The following STK17A variants were observed in gnomAD, a reference collection of about 807,000 sequenced individuals.
STK17A encodes serine/threonine kinase 17a.
A neutral mutation model predicts 43.7 loss-of-function variants in STK17A; 26 were observed. The observed-to-expected ratio is 0.60, with a 90% CI of 0.44 to 0.83. STK17A has a LOEUF of 0.83. STK17A is among the 40% of genes least tolerant of loss of function. The probability of loss-of-function intolerance (pLI) is 0.00; values close to 1 mark genes in which losing one functional copy is unlikely to be tolerated. For synonymous variants in STK17A, 191 were observed against 182.5 expected, an observed-to-expected ratio of 1.05 and a Z score of -0.38; for missense variants, 476 against 511.6, an observed-to-expected ratio of 0.93 and a Z score of 0.67.
Position 43,623,712 on chromosome 7 carries a change from C to T in STK17A, c.744C>T (p.Ser248=). Residue 248 remains serine, a synonymous_variant, in exon 6 of 7, where the codon AGC becomes AGT. Transcript: ENST00000319357. ...DPISMATDMW[S]IGVLTYVMLT... ...TTGCATTTTCTTTCTAATTTAGGAGCATTGGAGTGTTAACATATGTCATGC... is the reference window on the plus strand; with the variant it reads ...TTGCATTTTCTTTCTAATTTAGGAGTATTGGAGTGTTAACATATGTCATGC... 6.2e-7 allele frequency: 1 copy of T among 1,605,256 alleles called. No individual in the cohort carries two copies. Among genetic ancestry groups the T allele is most frequent in the East Asian group, 2.2e-5 (1 of 44,570 alleles).
chr7:43,599,789 A>C (rs2082543775), intron 2 of STK17A, among the ~76,000 whole-genome samples: 1 of 152,256 alleles, frequency 6.6e-6, no homozygotes, highest in Non-Finnish European at 1.5e-5. Context: ...CAAAGGCCTC[A>C]GAACCAGGGA....
At chr7:43,613,441 T>G (rs2083060559) in intron 3 of STK17A, among the ~76,000 whole-genome samples, 1 of 152,202 alleles carries the variant, frequency 6.6e-6, no homozygotes. Context: ...ATCACAGATT[T>G]TGGTATCTGC....
At chr7:43,591,177 A>G (rs10276856) in intron 1 of STK17A, among the ~76,000 whole-genome samples, 22,951 of 151,412 alleles carry the variant, frequency 0.15, 3,064 homozygotes, top group Non-Finnish European at 0.23. Context: ...AGTTTTATTC[A>G]GCATAGGATA....
intron 2 of STK17A, among the ~76,000 whole-genome samples, chr7:43,607,542 G>A (rs571416344): frequency 3.3e-5 from 5 of 151,368 alleles, no homozygotes; most frequent in South Asian, 4.2e-4. Context: ...CCAGCTACTC[G>A]GGAGGCTGAG....
At chr7:43,613,351 T>C (rs372055236) in intron 3 of STK17A, among the ~76,000 whole-genome samples, 2 of 152,134 alleles carry the variant, frequency 1.3e-5, no homozygotes, top group Admixed American at 6.5e-5. Flanking sequence ...CTGAGTAACC[T>C]AGAGATGATT....
Position 43,626,266 on chromosome 7 carries a change from C to T in STK17A, c.*1424C>T, listed in dbSNP as rs2084526584. 6.6e-6 allele frequency: 1 copy of T among 152,204 alleles called. No individual in the cohort carries two copies. The highest frequency in any genetic ancestry group is 2.1e-4 in the South Asian group (1 of 4,828). 9.4% of individuals were successfully genotyped at this position (152,204 alleles called of 1,614,324 possible). A position where few individuals can be genotyped will look rare whatever the true frequency, so the allele number is the denominator to read the frequency against. ...ACTGTCAAAATCATGAAAATGACAG[C>T]ACCTAACCACTATTTTAAAGTATGT... On this transcript the variant is annotated 3_prime_UTR_variant, in exon 7 of 7. Transcript: ENST00000319357.
chr7:43,613,625 A>G (rs2083076362), intron 3 of STK17A, among the ~76,000 whole-genome samples: 1 of 152,110 alleles, frequency 6.6e-6, no homozygotes, highest in South Asian at 2.1e-4. Context: ...GAAGGACCAC[A>G]TGAGCCCAGG....
chr7:43,596,791 C>T (rs533163002), intron 2 of STK17A, among the ~76,000 whole-genome samples: 1 of 148,196 alleles, frequency 6.7e-6, no homozygotes, highest in South Asian at 2.1e-4. Context: ...TTGCTGGAAC[C>T]AAGGAGGTGG....
At chr7:43,609,845 A>G (rs1296547976) in intron 3 of STK17A, among the ~76,000 whole-genome samples, 1 of 152,220 alleles carries the variant, frequency 6.6e-6, no homozygotes, top group Non-Finnish European at 1.5e-5. Flanking sequence ...CACCACGATC[A>G]TCTACTGATC....
chr7:43,610,290 T>A (rs10242308), intron 3 of STK17A, among the ~76,000 whole-genome samples: 2,823 of 134,598 alleles, frequency 0.021, 95 homozygotes, highest in African/African-American at 0.076. Flanking sequence ...GAGCTTGCAG[T>A]GAGCCGAGAT....
chr7:43,595,312 C>CT (rs1317039766), intron 1 of STK17A, among the ~76,000 whole-genome samples: 1 of 133,708 alleles, frequency 7.5e-6, no homozygotes, highest in African/African-American at 2.8e-5. Context: ...GAGTCTCACT[C>CT]TGTCATCCAG....
intron 2 of STK17A, among the ~76,000 whole-genome samples, chr7:43,605,888 T>C (rs375843298): frequency 6.6e-6 from 1 of 151,864 alleles, no homozygotes; most frequent in African/African-American, 2.4e-5. Context: ...TTAATGAGTG[T>C]ACCATGTATT....
intron 2 of STK17A, among the ~76,000 whole-genome samples, chr7:43,596,754 G>C (rs778608716): frequency 1.3e-5 from 2 of 151,828 alleles, no homozygotes; most frequent in African/African-American, 4.8e-5. Flanking sequence ...TGTAATCCCA[G>C]CTACTCAGGA....
chr7:43,603,813 A>G (rs1431513751), intron 2 of STK17A, among the ~76,000 whole-genome samples: 3 of 152,220 alleles, frequency 2.0e-5, no homozygotes, highest in African/African-American at 7.2e-5. Context: ...ACTTTGTTTC[A>G]TGCACAAAAT....
chr7:43,624,592 G>T lies in STK17A; in HGVS notation c.995G>T (p.Arg332Met). 1.9e-6 allele frequency: 3 copies of T among 1,614,098 alleles called. No individual in the cohort carries two copies. The highest frequency in any genetic ancestry group is 2.5e-6 in the Non-Finnish European group (3 of 1,180,000). ...AGCAGTATTCAAGAGCCTTCTTTCA[G>T]GATGGAAAAGGCACTAGAAGAAGCA... ...TQSSIQEPSF[R>M]MEKALEEANA... Residue 332 changes from arginine (R) to methionine (M), a missense_variant, in exon 7 of 7, where the codon AGG becomes ATG. Arg to Met is a moderately conservative substitution (Grantham distance 91, BLOSUM62 -1). Transcript: ENST00000319357.
intron 1 of STK17A, among the ~76,000 whole-genome samples, chr7:43,587,255 C>T (rs1346692887): frequency 1.4e-5 from 2 of 147,364 alleles, no homozygotes; most frequent in African/African-American, 2.5e-5. Context: ...CCTGGGTTCA[C>T]GCCATTCTCC....
intron 3 of STK17A, among the ~76,000 whole-genome samples, chr7:43,616,604 G>C (rs1309717379): frequency 1.3e-5 from 2 of 152,150 alleles, no homozygotes; most frequent in African/African-American, 4.8e-5. Context: ...TTTTTAAAAA[G>C]AGGGACCGTC....
At chr7:43,602,288 T>C (rs757636352) in intron 2 of STK17A, among the ~76,000 whole-genome samples, 7 of 152,202 alleles carry the variant, frequency 4.6e-5, no homozygotes, top group Non-Finnish European at 8.8e-5. Context: ...CTAAAATTCC[T>C]TCCTCAGCTT....
At chr7:43,591,113 G>A (rs2082475935) in intron 1 of STK17A, among the ~76,000 whole-genome samples, 1 of 151,422 alleles carries the variant, frequency 6.6e-6, no homozygotes, top group African/African-American at 2.4e-5. Context: ...AAATCATTGC[G>A]ACCTGCTGTC....
Sources: allele counts gnomAD v4.1 joint callset (sites outside exome capture counted in the v4.1 genomes callset), GRCh38; gene constraint gnomAD v4.1.1; transcripts MANE v1.5; gene names NCBI Gene and HGNC (gene_info 2026-07-23, HGNC 2026-07-21).